The following CERS6 variants were observed in gnomAD, a reference collection of about 807,000 sequenced individuals.
The protein encoded by CERS6 is ceramide synthase 6.
Under a neutral mutation model 56.8 loss-of-function variants are expected in CERS6, and 26 were observed. That is an observed-to-expected ratio of 0.46 (90% confidence interval 0.34 to 0.63). CERS6 has a LOEUF of 0.63. Ranked by LOEUF, CERS6 falls within the 30% of genes least tolerant of loss-of-function variation. CERS6 has a pLI of 0.01. For synonymous variants in CERS6, 164 were observed against 173.3 expected (o/e 0.95, Z 0.42); for missense variants, 415 against 467.5 (o/e 0.89, Z 1.04).
chr2:168,501,885 C>T (rs1053237430), intron 1 of CERS6, among the ~76,000 whole-genome samples: 2 of 152,156 alleles, frequency 1.3e-5, no homozygotes, highest in African/African-American at 2.4e-5. Context: ...TTTGGCCGCC[C>T]GCAGACCTGT....
chr2:168,711,482 CT>C (rs1687087514), intron 6 of CERS6, among the ~76,000 whole-genome samples: 1 of 152,192 alleles, frequency 6.6e-6, no homozygotes, highest in Admixed American at 6.5e-5. Context: ...GCCTGTAATC[CT>C]AGCACTTTGG....
intron 8 of CERS6, among the ~76,000 whole-genome samples, chr2:168,765,380 T>C (rs1489635856): frequency 6.6e-6 from 1 of 152,212 alleles, no homozygotes; most frequent in Non-Finnish European, 1.5e-5. Context: ...GAAAAATATA[T>C]TAATTAACCT....
At chr2:168,658,775 C>A (rs1333094579) in intron 4 of CERS6, among the ~76,000 whole-genome samples, 2 of 152,212 alleles carry the variant, frequency 1.3e-5, no homozygotes, top group African/African-American at 4.8e-5. Flanking sequence ...TAAGTTCTTA[C>A]AGCACATTAT....
chr2:168,628,498 A>G (rs759276405), intron 3 of CERS6, among the ~76,000 whole-genome samples: 7 of 152,200 alleles, frequency 4.6e-5, no homozygotes, highest in Non-Finnish European at 1.0e-4. Flanking sequence ...AGAATGCAGT[A>G]CCTTCATAGG....
intron 4 of CERS6, among the ~76,000 whole-genome samples, chr2:168,656,729 G>A (rs1222454233): frequency 1.3e-5 from 2 of 152,140 alleles, no homozygotes; most frequent in Non-Finnish European, 2.9e-5. Context: ...CTTCCACAGT[G>A]TGGAAGGGGA....
chr2:168,681,182 A>G (rs1686206222), intron 4 of CERS6, among the ~76,000 whole-genome samples: 1 of 152,248 alleles, frequency 6.6e-6, no homozygotes, highest in Admixed American at 6.5e-5. Flanking sequence ...TTGGAAGGTG[A>G]GAGCAAGTTG....
chr2:168,693,949 G>A (rs1011642927), intron 5 of CERS6, among the ~76,000 whole-genome samples: 6 of 152,136 alleles, frequency 3.9e-5, no homozygotes, highest in Non-Finnish European at 7.4e-5. Context: ...ATTCCCATGC[G>A]TAGAGTGGGT....
chr2:168,472,669 A>G (rs1219059160), intron 1 of CERS6, among the ~76,000 whole-genome samples: 2 of 152,198 alleles, frequency 1.3e-5, no homozygotes, highest in East Asian at 3.8e-4. Flanking sequence ...TTTCTTTTCC[A>G]CCTTATTTGA....
At chr2:168,620,920 G>A (rs1574106238) in intron 3 of CERS6, among the ~76,000 whole-genome samples, 1 of 152,110 alleles carries the variant, frequency 6.6e-6, no homozygotes, top group East Asian at 1.9e-4. Flanking sequence ...ATGTCACCAA[G>A]CCAGGCTAAT....
chr2:168,646,334 G>A (rs60716696), intron 4 of CERS6, among the ~76,000 whole-genome samples: 54,897 of 151,860 alleles, frequency 0.36, 13,234 homozygotes, highest in African/African-American at 0.68. Context: ...GGCCACATGT[G>A]TGTCTTCTTT....
intron 8 of CERS6, among the ~76,000 whole-genome samples, chr2:168,736,213 G>C (rs1354627486): frequency 6.6e-6 from 1 of 152,196 alleles, no homozygotes; most frequent in Admixed American, 6.5e-5. Flanking sequence ...TGTATATTAA[G>C]TAAATATGCA....
intron 8 of CERS6, among the ~76,000 whole-genome samples, chr2:168,725,856 A>G (rs919336192): frequency 4.6e-5 from 7 of 152,190 alleles, no homozygotes; most frequent in African/African-American, 1.7e-4. Flanking sequence ...TCAAAAATCT[A>G]TGCATTGTAG....
chr2:168,517,931 T>C (rs2105354451), intron 1 of CERS6, among the ~76,000 whole-genome samples: 1 of 152,322 alleles, frequency 6.6e-6, no homozygotes, highest in Middle Eastern at 3.4e-3. Context: ...AAAATTAAGA[T>C]GCGTGCCCTT....
chr2:168,616,405 A>C (rs1235654087), intron 3 of CERS6, among the ~76,000 whole-genome samples: 1 of 152,240 alleles, frequency 6.6e-6, no homozygotes, highest in African/African-American at 2.4e-5. Context: ...CATTGAATGT[A>C]AATGGCCTAA....
Position 168,694,990 on chromosome 2 carries a change from T to A in CERS6, c.548T>A (p.Ile183Asn), listed in dbSNP as rs758015644. The A allele has an allele frequency of 3.7e-6, 6 of 1,613,628 alleles. No individual in the cohort carries two copies. The highest frequency in any genetic ancestry group is 5.1e-6 in the Non-Finnish European group (6 of 1,179,660). Reference protein sequence around the residue: ...PLTTDLHYYYILELSFYWSLM... With the variant: ...PLTTDLHYYYNLELSFYWSLM... Reference sequence around the variant, plus strand: ...ACAACTGACCTTCACTACTATTACATCCTGGAGCTGTCGTTTTATTGGTCT... The same window carrying A: ...ACAACTGACCTTCACTACTATTACAACCTGGAGCTGTCGTTTTATTGGTCT... The change falls in exon 6 of 10, where the codon ATC (isoleucine) becomes AAC (asparagine). Residue 183 changes from isoleucine to asparagine, a missense_variant. Coordinates refer to ENST00000305747, the MANE Select transcript of CERS6 (RefSeq NM_203463.3).
Position 168,544,619 on chromosome 2 carries a change from G to A in CERS6, c.171-2977G>A, listed in dbSNP as rs988525051. ...GGTTTGGGCCCTTAGAGAAGGCCAG[G>A]TGTGGATGAGCTTAGACCCCGATCA... On this transcript the variant is annotated intron_variant, in intron 1 of 9. Transcript: ENST00000305747. Among the ~76,000 whole-genome samples the A allele has an allele frequency of 2.6e-5, 4 of 152,168 alleles. No homozygotes were observed. The East Asian group carries it at 7.7e-4, about 29-fold the overall frequency.
chr2:168,473,741 T>TA (rs1694019469), intron 1 of CERS6, among the ~76,000 whole-genome samples: 1 of 152,002 alleles, frequency 6.6e-6, no homozygotes, highest in African/African-American at 2.4e-5. Context: ...AATAAAAAAA[T>TA]AAAAAAACAC....
chr2:168,645,368 A>G (rs1191874450), intron 4 of CERS6, among the ~76,000 whole-genome samples: 1 of 150,880 alleles, frequency 6.6e-6, no homozygotes, highest in East Asian at 1.9e-4. Flanking sequence ...TAGAGTCTCT[A>G]ACTTAGCAGG....
Position 168,486,518 on chromosome 2 carries a change from G to GTTTTTTTTTTTTTTTTTTTTTTTTT in CERS6, c.170+29900_170+29901insTTTTTTTTTTTTTTTTTTTTTTTTT, listed in dbSNP as rs1491580943. The stretch of plus-strand genomic sequence containing the variant: ...ATTTTTGTTAAAGGTGTCTAGATTT[G>GTTTTTTTTTTTTTTTTTTTTTTTTT]GTTTTGTTTTTTTTTTTTTTGCCTA... On this transcript the variant is annotated intron_variant, in intron 1 of 9. Transcript: ENST00000305747. Among the ~76,000 whole-genome samples the GTTTTTTTTTTTTTTTTTTTTTTTTT allele has an allele frequency of 4.3e-4, 59 of 136,300 alleles. 3 individuals carry two copies. Among genetic ancestry groups the GTTTTTTTTTTTTTTTTTTTTTTTTT allele is most frequent in the East Asian group, 1.3e-3 (6 of 4,508 alleles). 89.4% of individuals were successfully genotyped at this position (136,300 alleles called of 152,430 possible). A position where few individuals can be genotyped will look rare whatever the true frequency, so the allele number is the denominator to read the frequency against.
Sources: allele counts gnomAD v4.1 joint callset (sites outside exome capture counted in the v4.1 genomes callset), GRCh38; gene constraint gnomAD v4.1.1; transcripts MANE v1.5; gene names NCBI Gene and HGNC (gene_info 2026-07-23, HGNC 2026-07-21).